LRP1B: variants seen among roughly 807,000 people sequenced by gnomAD.
The protein encoded by LRP1B is low-density lipoprotein receptor-related protein 1B.
Under a neutral mutation model 556.6 loss-of-function variants are expected in LRP1B, and 217 were observed. The observed-to-expected ratio is 0.39, with a 90% confidence interval of 0.35 to 0.44. The LOEUF is 0.44. Among genes scored for constraint, LRP1B ranks in the 20% least tolerant of loss-of-function variants. The pLI is 1.00. For missense variants in LRP1B, 5,053 were observed against 5,620.8 expected (o/e 0.90, Z 3.23); for synonymous variants, 2,047 against 1,865.8 (o/e 1.10, Z -2.50).
At chr2:141,751,158 A>G (rs951199525) in intron 2 of LRP1B, among the ~76,000 whole-genome samples, 2 of 152,092 alleles carry the variant, frequency 1.3e-5, no homozygotes, top group African/African-American at 4.8e-5. Context: ...GTTAACAAAT[A>G]AAACACATCA....
intron 86 of LRP1B, among the ~76,000 whole-genome samples, chr2:140,264,242 T>A (rs1367869300): frequency 1.3e-5 from 2 of 152,108 alleles, no homozygotes; most frequent in Non-Finnish European, 2.9e-5. Context: ...GTTTGTTTAT[T>A]TTTTTTGAAA....
chr2:140,850,202 G>A lies in LRP1B; in HGVS notation c.4839C>T (p.Phe1613=), dbSNP rs766034085. Residue 1613 remains phenylalanine (F), a synonymous_variant, in exon 29 of 91, where the codon TTC becomes TTT. Coordinates refer to ENST00000389484, the MANE Select transcript of LRP1B (RefSeq NM_018557.3). ...PDIDDVTVID[F]DASEERLYWT... Reference sequence around the variant, plus strand: ...AGTATAAACGTTCCTCAGATGCATCGAAGTCTATCACAGTAACGTCATCAA... The same window carrying A: ...AGTATAAACGTTCCTCAGATGCATCAAAGTCTATCACAGTAACGTCATCAA... 1.9e-5 allele frequency: 30 copies of A among 1,613,026 alleles called. 1 individual carries two copies. The highest frequency in any genetic ancestry group is 6.7e-5 in the African/African-American group (5 of 74,972).
intron 62 of LRP1B, among the ~76,000 whole-genome samples, chr2:140,452,482 A>G (rs1270122743): frequency 4.6e-5 from 7 of 152,146 alleles, no homozygotes; most frequent in African/African-American, 1.7e-4. Flanking sequence ...AATGAAAAGC[A>G]TATATCACAA....
chr2:141,648,044 T>A (rs532866187), intron 2 of LRP1B, among the ~76,000 whole-genome samples: 1 of 152,242 alleles, frequency 6.6e-6, no homozygotes, highest in East Asian at 1.9e-4. Context: ...ACTTCTTATG[T>A]TGTCTCTCAC....
chr2:141,171,957 C>A (rs909466273), intron 7 of LRP1B, among the ~76,000 whole-genome samples: 1 of 152,020 alleles, frequency 6.6e-6, no homozygotes, highest in African/African-American at 2.4e-5. Context: ...AAATGGACCC[C>A]ATCAGAACTA....
chr2:140,245,872 C>T lies in LRP1B; in HGVS notation c.13324+1214G>A, dbSNP rs376994353. ...CCCTATGGCCTCACCCTTCCCTGACCTAAGGAGAGCACACAAATTCTAAGA... is the reference window on the plus strand; with the variant it reads ...CCCTATGGCCTCACCCTTCCCTGACTTAAGGAGAGCACACAAATTCTAAGA... On this transcript the variant is annotated intron_variant, in intron 87 of 90. Transcript: ENST00000389484. Among the ~76,000 whole-genome samples, 8 of 151,410 alleles carry T rather than the reference C, an allele frequency of 5.3e-5. 1 individual carries two copies. Among genetic ancestry groups the T allele is most frequent in the African/African-American group, 1.9e-4 (8 of 41,434 alleles).
chr2:141,438,191 C>T (rs957327660), intron 3 of LRP1B, among the ~76,000 whole-genome samples: 1 of 152,080 alleles, frequency 6.6e-6, no homozygotes, highest in South Asian at 2.1e-4. Flanking sequence ...ATAGTCGATG[C>T]TTAAGTTGAT....
chr2:140,582,868 A>G (rs1681828546), intron 43 of LRP1B, among the ~76,000 whole-genome samples: 1 of 152,188 alleles, frequency 6.6e-6, no homozygotes, highest in Non-Finnish European at 1.5e-5. Flanking sequence ...TTTTCCAACC[A>G]TTCAGCAGGC....
intron 2 of LRP1B, among the ~76,000 whole-genome samples, chr2:141,726,209 T>C (rs529585065): frequency 7.4e-4 from 111 of 150,524 alleles, no homozygotes; most frequent in Middle Eastern, 3.5e-3. Flanking sequence ...ATAAAATATA[T>C]GTATAGTACA....
At chr2:140,758,483 A>C (rs1688811742) in intron 35 of LRP1B, among the ~76,000 whole-genome samples, 1 of 152,080 alleles carries the variant, frequency 6.6e-6, no homozygotes. Context: ...AATTTAAACA[A>C]ATAAAAGTAT....
intron 7 of LRP1B, among the ~76,000 whole-genome samples, chr2:141,131,013 G>C (rs1399866144): frequency 6.6e-6 from 1 of 151,954 alleles, no homozygotes; most frequent in Non-Finnish European, 1.5e-5. Flanking sequence ...ATCACACAGG[G>C]CATATACCTA....
intron 7 of LRP1B, among the ~76,000 whole-genome samples, chr2:141,139,790 T>C (rs201850894): frequency 0.014 from 1,506 of 109,070 alleles, 16 homozygotes; most frequent in African/African-American, 0.055. Flanking sequence ...AATGTGTGTG[T>C]GTGTGTGTGT....
intron 32 of LRP1B, among the ~76,000 whole-genome samples, chr2:140,783,126 T>A (rs190392172): frequency 1.3e-5 from 2 of 152,260 alleles, no homozygotes; most frequent in East Asian, 3.9e-4. Flanking sequence ...ATATTTCAAT[T>A]ATATTTTAGA....
chr2:141,432,846 C>T (rs867135207), intron 3 of LRP1B, among the ~76,000 whole-genome samples: 16 of 99,394 alleles, frequency 1.6e-4, no homozygotes, highest in South Asian at 1.5e-3. Flanking sequence ...TTCAAACTTC[C>T]GATTTCATGT....
intron 31 of LRP1B, among the ~76,000 whole-genome samples, chr2:140,820,263 A>G (rs1691281004): frequency 1.3e-5 from 2 of 152,222 alleles, no homozygotes; most frequent in Non-Finnish European, 2.9e-5. Context: ...TACAGGCATC[A>G]GCCACCACAC....
chr2:140,786,503 T>G (rs768885877), intron 32 of LRP1B, among the ~76,000 whole-genome samples: 2 of 152,234 alleles, frequency 1.3e-5, no homozygotes, highest in African/African-American at 4.8e-5. Flanking sequence ...GCTTCTCTTC[T>G]GTGTGGGAGC....
intron 35 of LRP1B, among the ~76,000 whole-genome samples, chr2:140,750,113 C>CA (rs1048828310): frequency 3.8e-4 from 55 of 144,138 alleles, no homozygotes; most frequent in African/African-American, 1.2e-3. Flanking sequence ...CACACACACA[C>CA]ATTTCAGTAC....
chr2:142,001,069 T>C (rs1276553204), intron 1 of LRP1B, among the ~76,000 whole-genome samples: 4 of 152,170 alleles, frequency 2.6e-5, no homozygotes, highest in Non-Finnish European at 4.4e-5. Flanking sequence ...GCTTGGCTCT[T>C]GTTCTCTCTT....
intron 18 of LRP1B, 113 bp downstream of exon 18, chr2:140,982,047 G>C: frequency 1.4e-6 from 1 of 735,100 alleles, no homozygotes; most frequent in Non-Finnish European, 2.2e-6. Context: ...CATATCTTCT[G>C]CCTCTTTTAC....
Sources: gnomAD v4.1 joint callset for allele counts (sites outside exome capture counted in the v4.1 genomes callset) on GRCh38, gnomAD v4.1.1 for gene constraint, MANE v1.5 for transcripts, NCBI Gene and HGNC (gene_info 2026-07-23, HGNC 2026-07-21) for gene names.